FNDC3A: variants seen among roughly 807,000 people sequenced by gnomAD.
FNDC3A encodes fibronectin type-III domain-containing protein 3A.
FNDC3A carries 32 observed loss-of-function variants against 148.9 expected under a neutral mutation model. That is an observed-to-expected ratio of 0.21 (90% CI 0.16 to 0.29). The LOEUF (loss-of-function observed/expected upper bound fraction) is 0.29. Among genes scored for constraint, FNDC3A ranks in the 10% least tolerant of loss-of-function variants. The pLI is 1.00. For synonymous variants in FNDC3A, 472 were observed against 473.6 expected, an observed-to-expected ratio of 1.00 and a Z score of 0.04; for missense variants, 1,191 against 1,452.8, an observed-to-expected ratio of 0.82 and a Z score of 2.93.
At chr13:49,196,135 T>TC (rs1186447763) in intron 19 of FNDC3A, among the ~76,000 whole-genome samples, 1 of 148,974 alleles carries the variant, frequency 6.7e-6, no homozygotes, top group African/African-American at 2.5e-5. Flanking sequence ...AAGATGGGCA[T>TC]TTGGCAAAAC....
chr13:49,194,395 A>G (rs1886046235), intron 19 of FNDC3A, among the ~76,000 whole-genome samples: 1 of 152,224 alleles, frequency 6.6e-6, no homozygotes, highest in Non-Finnish European at 1.5e-5. Context: ...TATTTTCAAG[A>G]TGGTTTCAAG....
intron 2 of FNDC3A, among the ~76,000 whole-genome samples, chr13:49,017,966 G>C (rs985856631): frequency 2.6e-5 from 4 of 152,220 alleles, no homozygotes; most frequent in Admixed American, 1.3e-4. Flanking sequence ...TCTGCCGAGA[G>C]ATCCGCTGGT....
chr13:48,983,731 A>G (rs1233334345), intron 1 of FNDC3A, among the ~76,000 whole-genome samples: 1 of 152,224 alleles, frequency 6.6e-6, no homozygotes, highest in East Asian at 1.9e-4. Flanking sequence ...CTTTATATGT[A>G]TCAGTTTACT....
At chr13:49,039,967 G>A (rs1358736683) in intron 2 of FNDC3A, among the ~76,000 whole-genome samples, 1 of 152,222 alleles carries the variant, frequency 6.6e-6, no homozygotes, top group Non-Finnish European at 1.5e-5. Context: ...GCCTGCCTCA[G>A]CCTCCCAAAG....
At chr13:49,114,545 C>A in intron 3 of FNDC3A, 110 bp from the exon 4 acceptor site, 1 of 667,108 alleles carries the variant, frequency 1.5e-6, no homozygotes, top group Non-Finnish European at 2.8e-6. Flanking sequence ...AATGTAGTTA[C>A]TGTTGGCTTG....
intron 16 of FNDC3A, among the ~76,000 whole-genome samples, chr13:49,188,289 A>C (rs895938019): frequency 6.6e-6 from 1 of 152,244 alleles, no homozygotes; most frequent in African/African-American, 2.4e-5. Flanking sequence ...AAGTCTGTAC[A>C]GAGTTACAGA....
intron 13 of FNDC3A, among the ~76,000 whole-genome samples, chr13:49,176,448 CAG>C (rs1885035878): frequency 6.6e-6 from 1 of 151,846 alleles, no homozygotes; most frequent in Admixed American, 6.6e-5. Context: ...CACCTGGACA[CAG>C]GGAGGGGAAC....
At chr13:49,089,832 G>A (rs1056382736) in intron 3 of FNDC3A, among the ~76,000 whole-genome samples, 2 of 152,172 alleles carry the variant, frequency 1.3e-5, no homozygotes, top group Admixed American at 6.5e-5. Flanking sequence ...TAATGAATGG[G>A]TACTTTTTAA....
chr13:49,071,361 A>G (rs1294626901), intron 2 of FNDC3A, among the ~76,000 whole-genome samples: 2 of 152,164 alleles, frequency 1.3e-5, no homozygotes, highest in Non-Finnish European at 2.9e-5. Context: ...TCTCTTTGAT[A>G]TACTGATTTC....
intron 8 of FNDC3A, among the ~76,000 whole-genome samples, chr13:49,151,697 G>A (rs2137984674): frequency 6.6e-6 from 1 of 152,114 alleles, no homozygotes; most frequent in Non-Finnish European, 1.5e-5. Context: ...TTTACAATAG[G>A]TATTTCACTT....
At chr13:49,138,421 T>C (rs1010577707) in intron 6 of FNDC3A, among the ~76,000 whole-genome samples, 7 of 152,130 alleles carry the variant, frequency 4.6e-5, no homozygotes, top group Admixed American at 3.3e-4. Context: ...ATGAGAACTT[T>C]CCAGAGAGAA....
chr13:49,172,186 T>C, intron 11 of FNDC3A, 90 bp downstream of exon 11: 1 of 742,854 alleles, frequency 1.3e-6, no homozygotes, highest in East Asian at 2.7e-5. Flanking sequence ...TCATCAAGTA[T>C]ATTCTTCTGT....
chr13:48,979,690 A>G (rs1174840665), intron 1 of FNDC3A, among the ~76,000 whole-genome samples: 1 of 152,118 alleles, frequency 6.6e-6, no homozygotes, highest in Non-Finnish European at 1.5e-5. Flanking sequence ...TTTATGTATA[A>G]TGGATAGCTT....
Position 49,198,150 on chromosome 13 carries a change from G to C in FNDC3A, c.2659G>C (p.Asp887His). 1.9e-6 allele frequency: 3 copies of C among 1,614,146 alleles called. No homozygotes were observed. Among genetic ancestry groups the C allele is most frequent in the Non-Finnish European group, 2.5e-6 (3 of 1,180,010 alleles). ...TGCAATAAGCTGGGAAAAGCCTTGT[G>C]ATCATGGTTCGGAAATCCTTGCCTA... ...CLAISWEKPC[D>H]HGSEILAYSI... The change falls in exon 22 of 26, where the codon GAT (aspartate) becomes CAT (histidine). Residue 887 changes from aspartate (D) to histidine (H), a missense_variant. By Grantham distance (81) the Asp-to-His change is moderately conservative (BLOSUM62 -1). Transcript: ENST00000492622.
chr13:49,019,016 A>G (rs1873071889), intron 2 of FNDC3A, among the ~76,000 whole-genome samples: 1 of 152,204 alleles, frequency 6.6e-6, no homozygotes, highest in Non-Finnish European at 1.5e-5. Context: ...GCTGTCAGAC[A>G]GGGACATTTA....
chr13:49,162,200 G>A (rs1884178145), intron 8 of FNDC3A, among the ~76,000 whole-genome samples: 1 of 152,128 alleles, frequency 6.6e-6, no homozygotes, highest in Non-Finnish European at 1.5e-5. Flanking sequence ...CCTGAAGAGT[G>A]TTTTCCAGCT....
chr13:49,188,735 G>A (rs1445806688), intron 17 of FNDC3A, 102 bp downstream of exon 17: 1 of 756,012 alleles, frequency 1.3e-6, no homozygotes, highest in Non-Finnish European at 2.3e-6. Flanking sequence ...TCCACAAATG[G>A]AGAAAAGTAA....
intron 3 of FNDC3A, among the ~76,000 whole-genome samples, chr13:49,104,398 C>T (rs1880035231): frequency 2.0e-5 from 3 of 152,124 alleles, no homozygotes; most frequent in South Asian, 4.1e-4. Flanking sequence ...GTGGCGGGCG[C>T]CTGTAGTCCC....
intron 9 of FNDC3A, among the ~76,000 whole-genome samples, chr13:49,168,263 A>G (rs142446989): frequency 1.4e-3 from 210 of 152,326 alleles, no homozygotes; most frequent in African/African-American, 4.9e-3. Flanking sequence ...ACATTTAATC[A>G]TGAATTTAAT....
Sources: allele counts gnomAD v4.1 joint callset (sites outside exome capture counted in the v4.1 genomes callset), GRCh38; gene constraint gnomAD v4.1.1; transcripts MANE v1.5; gene names NCBI Gene and HGNC (gene_info 2026-07-23, HGNC 2026-07-21).